USP25: variants seen among roughly 807,000 people sequenced by gnomAD.
USP25 encodes the protein ubiquitin carboxyl-terminal hydrolase 25.
In USP25, 85 loss-of-function variants were observed where a neutral mutation model predicts 158.5. The observed-to-expected ratio is 0.54, with a 90% CI of 0.45 to 0.64. USP25 has a LOEUF of 0.64. Ranked by LOEUF, USP25 falls within the 30% of genes least tolerant of loss-of-function variation. The pLI is 0.00. For missense variants in USP25, 1,242 were observed against 1,327.3 expected, an observed-to-expected ratio of 0.94 and a Z score of 1.00; for synonymous variants, 464 against 460.4, an observed-to-expected ratio of 1.01 and a Z score of -0.10.
At chr21:15,740,952 G>T (rs1276125030) in intron 1 of USP25, among the ~76,000 whole-genome samples, 1 of 151,354 alleles carries the variant, frequency 6.6e-6, no homozygotes, top group African/African-American at 2.4e-5. Flanking sequence ...CACTGAAAGT[G>T]TGTAATTTGA....
intron 1 of USP25, among the ~76,000 whole-genome samples, chr21:15,748,469 T>G (rs1421859539): frequency 1.4e-5 from 2 of 145,108 alleles, no homozygotes; most frequent in African/African-American, 5.1e-5. Flanking sequence ...TTTTTTTTTT[T>G]TTTTTTTTTT....
intron 17 of USP25, among the ~76,000 whole-genome samples, chr21:15,835,719 A>AATACCCACCTTTC (rs2038033675): frequency 6.6e-6 from 1 of 152,214 alleles, no homozygotes; most frequent in African/African-American, 2.4e-5. Context: ...GTTATTTAGA[A>AATACCCACCTTTC]AGCAGTGGTA....
At position 15,856,947 on chromosome 21, in the gene USP25, A is replaced by G. The variant is rs574197512; in HGVS notation, c.2547+7075A>G. Among the ~76,000 whole-genome samples the G allele has an allele frequency of 7.2e-4, 109 of 152,324 alleles. 1 individual carries two copies. The highest frequency in any genetic ancestry group is 2.5e-3 in the African/African-American group (103 of 41,572). ...TTCATGTTACAACAAATTTGAAGAA[A>G]GTTAATACATTTCCACCCACCATAG... On this transcript the variant is annotated intron_variant, in intron 20 of 25. Transcript: ENST00000400183.
At chr21:15,750,891 TACAGGCATGAGCC>T (rs2032964296) in intron 1 of USP25, among the ~76,000 whole-genome samples, 1 of 152,184 alleles carries the variant, frequency 6.6e-6, no homozygotes, top group Non-Finnish European at 1.5e-5. Flanking sequence ...GTGCTTGGAT[TACAGGCATGAGCC>T]ACCGCGCCTG....
At chr21:15,838,862 C>T (rs1311166993) in intron 17 of USP25, among the ~76,000 whole-genome samples, 1 of 152,034 alleles carries the variant, frequency 6.6e-6, no homozygotes. Flanking sequence ...AAGACCATAA[C>T]CAGGAAATAT....
chr21:15,759,923 A>G (rs2033625422), intron 1 of USP25, among the ~76,000 whole-genome samples: 1 of 152,202 alleles, frequency 6.6e-6, no homozygotes, highest in African/African-American at 2.4e-5. Context: ...TTATTCATCC[A>G]TTTTGATACT....
chr21:15,755,091 A>C (rs931235786), intron 1 of USP25, among the ~76,000 whole-genome samples: 1 of 151,408 alleles, frequency 6.6e-6, no homozygotes, highest in Non-Finnish European at 1.5e-5. Flanking sequence ...AAATGCCTAC[A>C]TTTGGTGCTT....
intron 21 of USP25, among the ~76,000 whole-genome samples, chr21:15,864,999 GTTAAA>G (rs1281367291): frequency 1.3e-5 from 2 of 151,988 alleles, no homozygotes; most frequent in African/African-American, 4.8e-5. Context: ...GCTTAGAAGG[GTTAAA>G]TTAGATTCAC....
chr21:15,846,106 A>ATGTGTG (rs1238472535), intron 18 of USP25, among the ~76,000 whole-genome samples: 2 of 115,634 alleles, frequency 1.7e-5, no homozygotes, highest in Non-Finnish European at 3.4e-5. Context: ...ATTTTGATAT[A>ATGTGTG]TGTGTGTGTG....
chr21:15,862,340 T>C (rs34350831), intron 20 of USP25, among the ~76,000 whole-genome samples: 1,734 of 152,142 alleles, frequency 0.011, 15 homozygotes, highest in Non-Finnish European at 0.019. Context: ...GATTTTTGGA[T>C]TCGGAATGCT....
chr21:15,822,812 A>G, intron 10 of USP25, among the ~76,000 whole-genome samples: 1 of 151,972 alleles, frequency 6.6e-6, no homozygotes, highest in East Asian at 1.9e-4. Context: ...TGTTTCTTAT[A>G]TTTTTCATAA....
chr21:15,808,975 A>C, intron 8 of USP25, 90 bp downstream of exon 8: 1 of 942,898 alleles, frequency 1.1e-6, no homozygotes, highest in East Asian at 2.7e-5. Flanking sequence ...AAATCAAGAC[A>C]GACTTATGGG....
intron 4 of USP25, among the ~76,000 whole-genome samples, chr21:15,784,395 A>T (rs555525363): frequency 6.6e-6 from 1 of 152,224 alleles, no homozygotes; most frequent in Admixed American, 6.5e-5. Context: ...GAACGTGGAG[A>T]AACCCCGTCT....
chr21:15,820,363 AT>A (rs1471104563), intron 10 of USP25, among the ~76,000 whole-genome samples: 1 of 152,024 alleles, frequency 6.6e-6, no homozygotes, highest in African/African-American at 2.4e-5. Flanking sequence ...TATTTAAAAT[AT>A]CTTAGATTTG....
intron 3 of USP25, among the ~76,000 whole-genome samples, chr21:15,771,918 G>A (rs1459645559): frequency 6.6e-6 from 1 of 151,952 alleles, no homozygotes; most frequent in Non-Finnish European, 1.5e-5. Context: ...TTTAAAAAAA[G>A]TATTTCCTCT....
intron 20 of USP25, among the ~76,000 whole-genome samples, chr21:15,860,020 G>A (rs2039355462): frequency 2.3e-5 from 3 of 128,932 alleles, no homozygotes; most frequent in African/African-American, 6.0e-5. Flanking sequence ...ATGGCGTCTC[G>A]CTCTGTCGCC....
At chr21:15,854,421 G>T (rs2039038587) in intron 20 of USP25, among the ~76,000 whole-genome samples, 1 of 152,064 alleles carries the variant, frequency 6.6e-6, no homozygotes, top group African/African-American at 2.4e-5. Flanking sequence ...TGGGATTACA[G>T]ATGTGAGCCA....
At chr21:15,853,280 TACAC>T (rs1235531192) in intron 20 of USP25, among the ~76,000 whole-genome samples, 2 of 151,316 alleles carry the variant, frequency 1.3e-5, no homozygotes, top group African/African-American at 4.9e-5. Context: ...TATACACACA[TACAC>T]ATGTGTACAC....
chr21:15,835,490 C>T (rs2038021392), intron 17 of USP25, among the ~76,000 whole-genome samples: 1 of 152,162 alleles, frequency 6.6e-6, no homozygotes, highest in Admixed American at 6.5e-5. Flanking sequence ...CATCCATTTT[C>T]ATGATCAATA....
Sources: allele counts gnomAD v4.1 joint callset (sites outside exome capture counted in the v4.1 genomes callset), GRCh38; gene constraint gnomAD v4.1.1; transcripts MANE v1.5; gene names NCBI Gene and HGNC (gene_info 2026-07-23, HGNC 2026-07-21).